The following PHACTR1 variants were observed in gnomAD, a reference collection of about 807,000 sequenced individuals.
PHACTR1 encodes the protein RPEL repeat containing 1.
A neutral mutation model predicts 69.2 loss-of-function variants in PHACTR1; 16 were observed. That is an observed-to-expected ratio of 0.23 (90% CI 0.16 to 0.35). PHACTR1 has a LOEUF of 0.35. PHACTR1 is among the 10% of genes least tolerant of loss of function. The pLI is 1.00. For missense variants in PHACTR1, 510 were observed against 734.7 expected, an observed-to-expected ratio of 0.69 and a Z score of 3.54; for synonymous variants, 312 against 284.5, an observed-to-expected ratio of 1.10 and a Z score of -0.97.
chr6:13,004,634 C>T (rs754324399), intron 4 of PHACTR1, among the ~76,000 whole-genome samples: 6 of 152,152 alleles, frequency 3.9e-5, no homozygotes, highest in African/African-American at 9.7e-5. Context: ...TGGTGGTTTG[C>T]TGCACCTATC....
intron 4 of PHACTR1, among the ~76,000 whole-genome samples, chr6:12,822,132 A>C (rs917271139): frequency 3.3e-5 from 5 of 152,218 alleles, no homozygotes; most frequent in African/African-American, 1.2e-4. Context: ...TGGAAATATA[A>C]GGGACAAGAA....
intron 4 of PHACTR1, among the ~76,000 whole-genome samples, chr6:13,027,416 T>G (rs1801843344): frequency 6.6e-6 from 1 of 152,126 alleles, no homozygotes; most frequent in African/African-American, 2.4e-5. Flanking sequence ...CAACGGGAAG[T>G]GTGGTCTGGC....
At position 13,287,493 on chromosome 6, in the gene PHACTR1, T is replaced by C. The variant is rs887659460; in HGVS notation, c.*415T>C. ...GAAAGCTGAAGGGGTGGGTTTGTTT[T>C]GGGGGTACTGTGCAAAGCTAATGAT... On this transcript the variant is annotated 3_prime_UTR_variant, in exon 15 of 15. Transcript: ENST00000332995. 2.7e-5 allele frequency: 6 copies of C among 222,346 alleles called. No individual in the cohort carries two copies. Among genetic ancestry groups the C allele is most frequent in the Non-Finnish European group, 4.5e-5 (5 of 111,086 alleles). 13.8% of individuals were successfully genotyped at this position (222,346 alleles called of 1,614,324 possible). A position where few individuals can be genotyped will look rare whatever the true frequency, so the allele number is the denominator to read the frequency against.
chr6:13,052,638 G>A (rs1288157535), intron 4 of PHACTR1, among the ~76,000 whole-genome samples: 5 of 152,180 alleles, frequency 3.3e-5, no homozygotes, highest in Non-Finnish European at 7.3e-5. Context: ...ATTGAAAGTT[G>A]AATATGCTCA....
chr6:12,785,732 A>G (rs1238712612), intron 4 of PHACTR1, among the ~76,000 whole-genome samples: 2 of 152,218 alleles, frequency 1.3e-5, no homozygotes, highest in Non-Finnish European at 2.9e-5. Context: ...TTTTGTTAGA[A>G]CAAACTGTTT....
intron 5 of PHACTR1, among the ~76,000 whole-genome samples, chr6:13,064,594 ATATATATATATCTATATATCTATC>A (rs1341375390): frequency 0.011 from 88 of 8,368 alleles, 10 homozygotes; most frequent in African/African-American, 0.033. Flanking sequence ...ATATATATAT[ATATATATATATCTATATATCTATC>A]TATCCACACT....
chr6:12,852,266 A>G (rs58175502), intron 4 of PHACTR1, among the ~76,000 whole-genome samples: 2,505 of 152,364 alleles, frequency 0.016, 59 homozygotes, highest in African/African-American at 0.055. Context: ...GGGGTGACCC[A>G]TGCCTTTCTC....
chr6:13,086,948 T>G (rs1420145860), intron 5 of PHACTR1, among the ~76,000 whole-genome samples: 1 of 152,024 alleles, frequency 6.6e-6, no homozygotes, highest in South Asian at 2.1e-4. Flanking sequence ...CATTCATTTA[T>G]TTTAGCCATT....
At chr6:13,002,200 ACTCTGT>A (rs1477641198) in intron 4 of PHACTR1, among the ~76,000 whole-genome samples, 1 of 151,998 alleles carries the variant, frequency 6.6e-6, no homozygotes, top group East Asian at 1.9e-4. Flanking sequence ...AGCAAACAAC[ACTCTGT>A]CTCAGGTAAA....
intron 4 of PHACTR1, among the ~76,000 whole-genome samples, chr6:12,867,140 A>G (rs1200982986): frequency 6.6e-6 from 1 of 152,146 alleles, no homozygotes. Flanking sequence ...ACTTAGGCAA[A>G]GGCTCAGTTT....
At chr6:12,901,933 G>A (rs1785240804) in intron 4 of PHACTR1, among the ~76,000 whole-genome samples, 1 of 152,158 alleles carries the variant, frequency 6.6e-6, no homozygotes, top group South Asian at 2.1e-4. Context: ...AGGGAAGTGG[G>A]GGGAATTTTG....
chr6:13,282,305 C>G (rs1780459580), intron 12 of PHACTR1, among the ~76,000 whole-genome samples: 1 of 152,110 alleles, frequency 6.6e-6, no homozygotes. Flanking sequence ...CTGTGTTGCT[C>G]CAGGAGAAAT....
rs570067109 is a variant in PHACTR1 at position 12,936,914 on chromosome 6, C to T, written c.251-116451C>T. Among the ~76,000 whole-genome samples, 10 of 152,252 alleles carry T rather than the reference C, an allele frequency of 6.6e-5. No homozygotes were observed. In the East Asian group the frequency reaches 1.9e-3, roughly 29 times the overall value. On this transcript the variant is annotated intron_variant, in intron 4 of 14. Coordinates refer to ENST00000332995, the MANE Select transcript of PHACTR1 (RefSeq NM_030948.6). The stretch of plus-strand genomic sequence containing the variant: ...GCCCTAGACTTAACTTCCTTTCAGT[C>T]TTTTTTCTCATTGACTATTTTTTTA...
At chr6:13,079,833 T>C (rs1811093774) in intron 5 of PHACTR1, among the ~76,000 whole-genome samples, 1 of 152,142 alleles carries the variant, frequency 6.6e-6, no homozygotes, top group Admixed American at 6.6e-5. Context: ...CCATATGACC[T>C]TGAACAAGTG....
chr6:13,278,221 C>A, intron 11 of PHACTR1, 47 bp from the exon 12 acceptor site: 1 of 1,538,270 alleles, frequency 6.5e-7, no homozygotes, highest in Non-Finnish European at 8.8e-7. Context: ...CACCTGTACA[C>A]AACACTGTTT....
intron 4 of PHACTR1, among the ~76,000 whole-genome samples, chr6:12,794,393 C>T (rs1772717444): frequency 6.6e-6 from 1 of 152,196 alleles, no homozygotes; most frequent in Non-Finnish European, 1.5e-5. Context: ...ATTTGCCAGG[C>T]AGACAGGGTA....
chr6:13,105,395 G>GGA (rs1486671236), intron 5 of PHACTR1, among the ~76,000 whole-genome samples: 1 of 152,004 alleles, frequency 6.6e-6, no homozygotes, highest in African/African-American at 2.4e-5. Flanking sequence ...GTGTGTCGGG[G>GGA]GCGGGGTGGG....
At chr6:12,939,467 A>G (rs1014310644) in intron 4 of PHACTR1, among the ~76,000 whole-genome samples, 3 of 152,178 alleles carry the variant, frequency 2.0e-5, no homozygotes, top group East Asian at 3.9e-4. Flanking sequence ...ACATTTAACA[A>G]GAGTGTGACT....
chr6:13,231,846 A>T (rs892912999), intron 10 of PHACTR1, among the ~76,000 whole-genome samples: 2 of 152,248 alleles, frequency 1.3e-5, no homozygotes, highest in African/African-American at 4.8e-5. Flanking sequence ...CCTGTCTATA[A>T]GATACACCAT....
Sources: gnomAD v4.1 joint callset for allele counts (sites outside exome capture counted in the v4.1 genomes callset) on GRCh38, gnomAD v4.1.1 for gene constraint, MANE v1.5 for transcripts, NCBI Gene and HGNC (gene_info 2026-07-23, HGNC 2026-07-21) for gene names.